The following PHF24 variants were observed in gnomAD, a reference collection of about 807,000 sequenced individuals.
PHF24 encodes Galpha inhibitory interacting protein.
PHF24 carries 25 observed loss-of-function variants against 42.6 expected under a neutral mutation model. The ratio of observed to expected loss-of-function variants is 0.59; its 90% CI spans 0.43 to 0.82. The LOEUF is 0.82. Ranked by LOEUF, PHF24 falls within the 40% of genes least tolerant of loss-of-function variation. The pLI is 0.00. For synonymous variants in PHF24, 185 were observed against 204.8 expected (o/e 0.90, Z 0.83); for missense variants, 470 against 538.1 (o/e 0.87, Z 1.25).
chr9:34,839,612 C>G, the PHF24 span, among the ~76,000 whole-genome samples: 1 of 152,170 alleles, frequency 6.6e-6, no homozygotes, highest in Non-Finnish European at 1.5e-5. Flanking sequence ...GGCTCGAAAT[C>G]TTTGAACATT....
the PHF24 span, among the ~76,000 whole-genome samples, chr9:34,899,692 A>G: frequency 1.3e-5 from 2 of 152,192 alleles, no homozygotes; most frequent in Non-Finnish European, 2.9e-5. Context: ...ACAGCGGATT[A>G]CTACCCAATG....
At chr9:34,772,946 C>G in the PHF24 span, among the ~76,000 whole-genome samples, 1 of 151,716 alleles carries the variant, frequency 6.6e-6, no homozygotes, top group Non-Finnish European at 1.5e-5. Flanking sequence ...ATCTAAAAGA[C>G]CAGGAGCACC....
At chr9:34,797,995 A>G in the PHF24 span, among the ~76,000 whole-genome samples, 1 of 152,238 alleles carries the variant, frequency 6.6e-6, no homozygotes, top group South Asian at 2.1e-4. Context: ...GAAACAACCA[A>G]ACTATAATTA....
chr9:34,883,702 AAGTC>A, the PHF24 span, among the ~76,000 whole-genome samples: 1 of 152,240 alleles, frequency 6.6e-6, no homozygotes, highest in Non-Finnish European at 1.5e-5. Context: ...GATCATTAAA[AAGTC>A]AGGAAACAAC....
At chr9:34,893,162 G>A in the PHF24 span, 1 of 555,268 alleles carries the variant, frequency 1.8e-6, no homozygotes, top group Non-Finnish European at 3.0e-6. Flanking sequence ...GCTGGGAAGA[G>A]AAACATGACA....
At chr9:34,884,213 C>T in the PHF24 span, among the ~76,000 whole-genome samples, 1 of 151,994 alleles carries the variant, frequency 6.6e-6, no homozygotes, top group East Asian at 1.9e-4. Flanking sequence ...CAGGGTCTGT[C>T]ATGGAGTTGG....
chr9:34,728,187 A>G, the PHF24 span: 44 of 1,045,190 alleles, frequency 4.2e-5, no homozygotes, highest in Admixed American at 3.7e-4. Context: ...AAAGACTACA[A>G]TCCTGAAAAG....
At chr9:34,683,990 A>G in the PHF24 span, among the ~76,000 whole-genome samples, 1 of 152,166 alleles carries the variant, frequency 6.6e-6, no homozygotes, top group Non-Finnish European at 1.5e-5. Flanking sequence ...ACTGTACCGT[A>G]TGCTCTGGGA....
the PHF24 span, among the ~76,000 whole-genome samples, chr9:34,873,964 G>A: frequency 1.8e-3 from 272 of 152,216 alleles, 1 homozygote; most frequent in African/African-American, 6.3e-3. Context: ...TGAAGCAATT[G>A]TGAATGGAAG....
the PHF24 span, among the ~76,000 whole-genome samples, chr9:34,809,046 A>AAT: frequency 0.026 from 3,326 of 129,280 alleles, 108 homozygotes; most frequent in East Asian, 0.1. The surrounding 1 kb of genome is among the most constrained non-coding windows in gnomAD (Gnocchi z 4.1). Flanking sequence ...ATAAAAAAAA[A>AAT]AAATAATAAA....
chr9:34,777,681 G>A, the PHF24 span, among the ~76,000 whole-genome samples: 77 of 152,312 alleles, frequency 5.1e-4, no homozygotes, highest in African/African-American at 1.7e-3. Context: ...CCTCAGCCTG[G>A]GATGTGGTAG....
chr9:34,757,226 T>C, the PHF24 span, among the ~76,000 whole-genome samples: 382 of 152,032 alleles, frequency 2.5e-3, 1 homozygote, highest in African/African-American at 8.6e-3. Context: ...CATAGATTTC[T>C]TTGTAGAGAT....
At chr9:34,748,184 G>A in the PHF24 span, among the ~76,000 whole-genome samples, 74 of 152,310 alleles carry the variant, frequency 4.9e-4, no homozygotes, top group Middle Eastern at 0.01. Flanking sequence ...TATCATAGAA[G>A]TGGATAATTT....
the PHF24 span, among the ~76,000 whole-genome samples, chr9:34,924,595 C>T: frequency 1.3e-5 from 2 of 152,100 alleles, no homozygotes; most frequent in Non-Finnish European, 2.9e-5. Flanking sequence ...ATAGCTACTC[C>T]TGCTCTTTTT....
At chr9:34,865,069 C>T in the PHF24 span, among the ~76,000 whole-genome samples, 1 of 147,754 alleles carries the variant, frequency 6.8e-6, no homozygotes, top group Admixed American at 6.8e-5. Flanking sequence ...GTCCCAGCTA[C>T]TCAGGAGGCT....
At chr9:34,822,843 G>A in the PHF24 span, among the ~76,000 whole-genome samples, 2 of 152,162 alleles carry the variant, frequency 1.3e-5, no homozygotes, top group Admixed American at 1.3e-4. Flanking sequence ...AGAGCCATGT[G>A]GATCTATTCT....
At chr9:34,738,789 G>C in the PHF24 span, among the ~76,000 whole-genome samples, 1 of 152,198 alleles carries the variant, frequency 6.6e-6, no homozygotes, top group Non-Finnish European at 1.5e-5. Flanking sequence ...CAGCTCCCCA[G>C]CTTATGCTCC....
the PHF24 span, among the ~76,000 whole-genome samples, chr9:34,731,588 A>T: frequency 1.3e-5 from 2 of 152,134 alleles, no homozygotes; most frequent in Admixed American, 1.3e-4. Flanking sequence ...ACTTAATATA[A>T]TGTTCTTCAG....
the PHF24 span, among the ~76,000 whole-genome samples, chr9:34,719,024 G>T: frequency 6.6e-6 from 1 of 152,116 alleles, no homozygotes; most frequent in Admixed American, 6.6e-5. Flanking sequence ...CAAACCTGAA[G>T]TAGTAAATTT....
Sources: allele counts gnomAD v4.1 joint callset (sites outside exome capture counted in the v4.1 genomes callset), GRCh38; gene constraint gnomAD v4.1.1; non-coding constraint Gnocchi (gnomAD v3.1); transcripts MANE v1.5; gene names NCBI Gene and HGNC (gene_info 2026-07-23, HGNC 2026-07-21).